The following DOCK11 variants were observed in gnomAD, a reference collection of about 807,000 sequenced individuals.
DOCK11 encodes the protein dedicator of cytokinesis 11.
DOCK11 carries 70 observed loss-of-function variants against 169.1 expected under a neutral mutation model. The ratio of observed to expected loss-of-function variants is 0.41; its 90% CI spans 0.34 to 0.51. The LOEUF is 0.51. Ranked by LOEUF, DOCK11 falls within the 20% of genes least tolerant of loss-of-function variation. The pLI, the probability that DOCK11 is intolerant of heterozygous loss-of-function variation, is 0.10. For synonymous variants in DOCK11, 529 were observed against 541.3 expected (o/e 0.98, Z 0.32); for missense variants, 1,166 against 1,538.8 (o/e 0.76, Z 4.05).
intron 1 of DOCK11, among the ~76,000 whole-genome samples, chrX:118,513,729 T>C (rs1481606554): frequency 9.0e-6 from 1 of 111,702 alleles, no homozygotes; most frequent in Non-Finnish European, 1.9e-5. Context: ...TTTGACTTAG[T>C]AGATCTTTAA....
intron 1 of DOCK11, among the ~76,000 whole-genome samples, chrX:118,519,219 A>C (rs987070374): frequency 6.2e-5 from 7 of 112,072 alleles, no homozygotes; most frequent in Non-Finnish European, 1.1e-4. Context: ...AAAGCAAAGC[A>C]ATTTTATTGT....
intron 6 of DOCK11, among the ~76,000 whole-genome samples, chrX:118,548,131 A>C (rs2147354696): frequency 8.9e-6 from 1 of 112,491 alleles, no homozygotes; most frequent in African/African-American, 3.2e-5. Context: ...AATGTGCAAA[A>C]ATCTGGATTC....
chrX:118,600,890 A>G (rs1338611500), intron 23 of DOCK11, among the ~76,000 whole-genome samples: 2 of 110,873 alleles, frequency 1.8e-5, no homozygotes, highest in African/African-American at 6.6e-5. Flanking sequence ...GTGATAGGAC[A>G]TTACCTTGGG....
intron 1 of DOCK11, among the ~76,000 whole-genome samples, chrX:118,524,216 T>C (rs2011323317): frequency 8.9e-6 from 1 of 111,871 alleles, no homozygotes; most frequent in African/African-American, 3.2e-5. Context: ...GGACGATTGA[T>C]GAGTTTGTGA....
chrX:118,501,401 G>A (rs1443416029), intron 1 of DOCK11, among the ~76,000 whole-genome samples: 1 of 111,831 alleles, frequency 8.9e-6, no homozygotes, highest in East Asian at 2.8e-4. Flanking sequence ...CAGGAGAATC[G>A]CTTGAACCCA....
At chrX:118,560,463 A>T (rs1449206255) in intron 6 of DOCK11, among the ~76,000 whole-genome samples, 1 of 111,934 alleles carries the variant, frequency 8.9e-6, no homozygotes, top group Non-Finnish European at 1.9e-5. Flanking sequence ...AATCACCAGG[A>T]GCTGCTCTTC....
chrX:118,590,126 G>C, intron 18 of DOCK11, 84 bp from the exon 19 acceptor site: 1 of 861,607 alleles, frequency 1.2e-6, no homozygotes, highest in South Asian at 2.3e-5. Context: ...TATAGTCACA[G>C]ATGCCTCTAA....
chrX:118,564,767 T>TC (rs1266129278), intron 7 of DOCK11, among the ~76,000 whole-genome samples: 3 of 107,003 alleles, frequency 2.8e-5, no homozygotes, highest in Non-Finnish European at 5.8e-5. Context: ...CTTCCTTCCT[T>TC]CTTTCTTTCT....
At chrX:118,599,312 C>G in intron 23 of DOCK11, 84 bp downstream of exon 23, 1 of 703,664 alleles carries the variant, frequency 1.4e-6, no homozygotes, top group Non-Finnish European at 2.1e-6. Flanking sequence ...AAAAAGCAAA[C>G]AGACAGTTTA....
chrX:118,538,119 G>C (rs778088568), intron 1 of DOCK11, among the ~76,000 whole-genome samples: 1 of 112,376 alleles, frequency 8.9e-6, no homozygotes, highest in Non-Finnish European at 1.9e-5. Context: ...CAATGAAGAA[G>C]ATATTTGATT....
At chrX:118,575,777 C>G (rs1476646868) in intron 12 of DOCK11, among the ~76,000 whole-genome samples, 1 of 112,229 alleles carries the variant, frequency 8.9e-6, no homozygotes, top group African/African-American at 3.2e-5. Flanking sequence ...TTAAAATTTC[C>G]TGCACAATAT....
At chrX:118,513,143 A>T (rs758831878) in intron 1 of DOCK11, among the ~76,000 whole-genome samples, 2 of 108,951 alleles carry the variant, frequency 1.8e-5, no homozygotes, top group African/African-American at 6.7e-5. Flanking sequence ...CTGTGGGCAC[A>T]CTCCTTCTCT....
At chrX:118,680,715 A>G (rs1858970693) in intron 49 of DOCK11, 23 bp downstream of exon 49, 1 of 1,111,200 alleles carries the variant, frequency 9.0e-7, no homozygotes, top group Non-Finnish European at 1.2e-6. Flanking sequence ...TTACATATTA[A>G]CTTCTTATTT....
chrX:118,658,376 T>C (rs2016131150), intron 44 of DOCK11, among the ~76,000 whole-genome samples: 1 of 112,848 alleles, frequency 8.9e-6, no homozygotes, highest in South Asian at 3.6e-4. Flanking sequence ...GCAGATGTTC[T>C]ACTGTGTAGC....
chrX:118,509,273 C>T (rs1245001898), intron 1 of DOCK11, among the ~76,000 whole-genome samples: 1 of 103,365 alleles, frequency 9.7e-6, no homozygotes, highest in African/African-American at 3.6e-5. Context: ...GTGAGTTTCT[C>T]TCTTTTTTTT....
At chrX:118,620,073 C>A (rs2147477102) in intron 31 of DOCK11, among the ~76,000 whole-genome samples, 1 of 111,015 alleles carries the variant, frequency 9.0e-6, no homozygotes, top group African/African-American at 3.3e-5. Flanking sequence ...CCCTCAGTCT[C>A]CCAAAGTGCT....
chrX:118,540,047 A>G (rs1438683617), intron 1 of DOCK11, among the ~76,000 whole-genome samples: 1 of 60,941 alleles, frequency 1.6e-5, no homozygotes, highest in African/African-American at 6.4e-5. Context: ...GCAAAACTCC[A>G]TCTCAAAAAA....
intron 45 of DOCK11, among the ~76,000 whole-genome samples, chrX:118,664,614 C>G (rs1044718175): frequency 7.3e-5 from 8 of 109,599 alleles, no homozygotes; most frequent in Admixed American, 3.9e-4. Context: ...TACTGTACTC[C>G]AGCCTGGGTG....
chrX:118,566,060 A>C lies in DOCK11; in HGVS notation c.749A>C (p.His250Pro). 2 of 1,211,349 alleles carry C rather than the reference A, an allele frequency of 1.7e-6. No individual in the cohort carries two copies. Among genetic ancestry groups the C allele is most frequent in the Non-Finnish European group, 2.2e-6 (2 of 895,036 alleles). ...CTCAAGATGTTAGATAAATATAGCC[A>C]TTATCTGGCTGCTGAAACTGAGCAG... Reference protein sequence around the residue: ...FELKMLDKYSHYLAAETEQEM... With the variant: ...FELKMLDKYSPYLAAETEQEM... The change falls in exon 8 of 53, where the codon CAT (histidine) becomes CCT (proline). Residue 250 changes from histidine (H) to proline (P), a missense_variant. Coordinates refer to ENST00000276202, the MANE Select transcript of DOCK11 (RefSeq NM_144658.4).
Sources: allele counts gnomAD v4.1 joint callset (sites outside exome capture counted in the v4.1 genomes callset), GRCh38; gene constraint gnomAD v4.1.1; transcripts MANE v1.5; gene names NCBI Gene and HGNC (gene_info 2026-07-23, HGNC 2026-07-21).